MDGA2: variants seen among roughly 807,000 people sequenced by gnomAD.
The protein encoded by MDGA2 is MAM domain-containing glycosylphosphatidylinositol anchor protein 2.
A neutral mutation model predicts 117.8 loss-of-function variants in MDGA2; 40 were observed. The ratio of observed to expected loss-of-function variants is 0.34; its 90% CI spans 0.26 to 0.44. The LOEUF (loss-of-function observed/expected upper bound fraction) is 0.44. MDGA2 is among the 20% of genes least tolerant of loss of function. The pLI is 1.00. For missense variants in MDGA2, 1,123 were observed against 1,250.6 expected (o/e 0.90, Z 1.54); for synonymous variants, 452 against 439.0 (o/e 1.03, Z -0.37).
At chr14:47,392,538 G>A (rs1034833523) in intron 1 of MDGA2, among the ~76,000 whole-genome samples, 7 of 152,002 alleles carry the variant, frequency 4.6e-5, no homozygotes, top group African/African-American at 1.4e-4. Context: ...GATAAATATA[G>A]ACTCTGCCTT....
At chr14:47,243,495 G>A (rs1192143034) in intron 2 of MDGA2, among the ~76,000 whole-genome samples, 6 of 151,138 alleles carry the variant, frequency 4.0e-5, no homozygotes, top group Non-Finnish European at 5.9e-5. Flanking sequence ...CTGCTTTTAT[G>A]AGCTGTAACA....
intron 1 of MDGA2, among the ~76,000 whole-genome samples, chr14:47,376,207 T>C (rs1299658517): frequency 2.0e-5 from 3 of 152,168 alleles, no homozygotes; most frequent in Non-Finnish European, 2.9e-5. Context: ...TCATTTAATT[T>C]TGAAAACCTG....
At chr14:47,315,255 T>C (rs1889770187) in intron 1 of MDGA2, among the ~76,000 whole-genome samples, 1 of 152,148 alleles carries the variant, frequency 6.6e-6, no homozygotes, top group Non-Finnish European at 1.5e-5. Flanking sequence ...GGATCCACTA[T>C]ATTTTTCTCT....
chr14:47,613,893 T>C (rs1896899660), intron 1 of MDGA2, among the ~76,000 whole-genome samples: 1 of 152,124 alleles, frequency 6.6e-6, no homozygotes, highest in East Asian at 1.9e-4. Flanking sequence ...AAAACATCTT[T>C]GCAATATTTG....
chr14:47,023,723 C>G (rs1456130974), intron 8 of MDGA2, among the ~76,000 whole-genome samples: 1 of 152,098 alleles, frequency 6.6e-6, no homozygotes, highest in Non-Finnish European at 1.5e-5. Flanking sequence ...AAAGGAATTA[C>G]TATACTTTTA....
intron 3 of MDGA2, among the ~76,000 whole-genome samples, chr14:47,208,549 A>C (rs1293200623): frequency 6.9e-6 from 1 of 145,032 alleles, no homozygotes. Flanking sequence ...TTTTTTTATG[A>C]AATGTCTGTG....
intron 1 of MDGA2, among the ~76,000 whole-genome samples, chr14:47,665,854 G>C (rs1897945019): frequency 2.3e-5 from 1 of 43,270 alleles, no homozygotes; most frequent in South Asian, 7.6e-4. Context: ...CCCCACCATG[G>C]ACTCCTGCGT....
At chr14:47,118,916 T>C (rs561175302) in intron 5 of MDGA2, among the ~76,000 whole-genome samples, 1 of 152,144 alleles carries the variant, frequency 6.6e-6, no homozygotes, top group African/African-American at 2.4e-5. Context: ...TAAATTATTT[T>C]TCATAGAAAT....
At chr14:47,324,162 G>A (rs767194547) in intron 1 of MDGA2, among the ~76,000 whole-genome samples, 16 of 151,986 alleles carry the variant, frequency 1.1e-4, no homozygotes, top group African/African-American at 2.9e-4. Context: ...AGAGAATGGC[G>A]TGAACCCAGG....
intron 2 of MDGA2, among the ~76,000 whole-genome samples, chr14:47,286,808 T>TATATATATATATATAC (rs1888691932): frequency 1.7e-5 from 2 of 115,910 alleles, no homozygotes; most frequent in Admixed American, 1.7e-4. Context: ...TATCATTATA[T>TATATATATATATATAC]ATATATATAT....
intron 8 of MDGA2, among the ~76,000 whole-genome samples, chr14:47,000,293 C>CT (rs1156703483): frequency 7.0e-6 from 1 of 142,616 alleles, no homozygotes; most frequent in Non-Finnish European, 1.5e-5. Context: ...TAATAGCTTT[C>CT]TTGCTTAGGT....
At chr14:47,074,643 A>G (rs1187762612) in intron 6 of MDGA2, among the ~76,000 whole-genome samples, 1 of 152,212 alleles carries the variant, frequency 6.6e-6, no homozygotes, top group Non-Finnish European at 1.5e-5. Context: ...TCTGAGGAGC[A>G]GCAGCTCAGT....
chr14:47,665,806 G>A (rs1293000050), intron 1 of MDGA2, among the ~76,000 whole-genome samples: 7 of 17,760 alleles, frequency 3.9e-4, no homozygotes, highest in Non-Finnish European at 6.6e-4. Context: ...CCCCTCCCTC[G>A]CCCCCCCTCC....
At chr14:47,501,157 C>A (rs1427203048) in intron 1 of MDGA2, among the ~76,000 whole-genome samples, 2 of 152,052 alleles carry the variant, frequency 1.3e-5, no homozygotes, top group Non-Finnish European at 2.9e-5. Flanking sequence ...AATATTACTA[C>A]CAGTTTACGG....
rs567941027 is a variant in MDGA2, at chr14:47,144,709, C to T, written c.596-435G>A. 1.3e-4 allele frequency among the ~76,000 whole-genome samples: 20 copies of T among 152,030 alleles called. No homozygotes were observed. The East Asian group carries it at 2.1e-3, about 16-fold the overall frequency. On this transcript the variant is annotated intron_variant, in intron 3 of 16. Coordinates refer to ENST00000399232, the MANE Select transcript of MDGA2 (RefSeq NM_001113498.3). ...TGTCAACCAGGCTGAAGTCCAGTGG[C>T]GCAATCAGAGCTTACTGCAGCCTCA... is the stretch of plus-strand genomic sequence containing the variant.
intron 10 of MDGA2, among the ~76,000 whole-genome samples, chr14:46,893,367 T>G (rs1244748769): frequency 2.0e-5 from 3 of 150,958 alleles, no homozygotes; most frequent in Admixed American, 6.6e-5. Flanking sequence ...GTGAGGAAAA[T>G]GGAGAGATGG....
chr14:47,392,419 C>T (rs1049387973), intron 1 of MDGA2, among the ~76,000 whole-genome samples: 4 of 152,030 alleles, frequency 2.6e-5, no homozygotes, highest in African/African-American at 9.7e-5. Flanking sequence ...AAAATTTTGA[C>T]CCACATAAAA....
At chr14:47,434,129 T>C (rs1892852301) in intron 1 of MDGA2, among the ~76,000 whole-genome samples, 1 of 152,098 alleles carries the variant, frequency 6.6e-6, no homozygotes, top group Non-Finnish European at 1.5e-5. Context: ...TTCTCTATTT[T>C]AGGAAATCAT....
chr14:47,009,045 TAGTG>T (rs1261319374), intron 8 of MDGA2, among the ~76,000 whole-genome samples: 1 of 152,010 alleles, frequency 6.6e-6, no homozygotes, highest in Non-Finnish European at 1.5e-5. Flanking sequence ...TATTTGTTCC[TAGTG>T]AGTATCACCA....
Sources: gnomAD v4.1 joint callset for allele counts (sites outside exome capture counted in the v4.1 genomes callset) on GRCh38, gnomAD v4.1.1 for gene constraint, MANE v1.5 for transcripts, NCBI Gene and HGNC (gene_info 2026-07-23, HGNC 2026-07-21) for gene names.